The following TAFA1 variants were observed in gnomAD, a reference collection of about 807,000 sequenced individuals.
TAFA1 encodes the protein TAFA chemokine like family member 1.
A neutral mutation model predicts 18.5 loss-of-function variants in TAFA1; 4 were observed. The ratio of observed to expected loss-of-function variants is 0.22; its 90% CI spans 0.11 to 0.49. The LOEUF (loss-of-function observed/expected upper bound fraction) is 0.49. TAFA1 is among the 20% of genes least tolerant of loss of function. The pLI, the probability that TAFA1 is intolerant of heterozygous loss-of-function variation, is 0.98. For synonymous variants in TAFA1, 56 were observed against 55.2 expected, an observed-to-expected ratio of 1.01 and a Z score of -0.06; for missense variants, 147 against 169.0, an observed-to-expected ratio of 0.87 and a Z score of 0.72.
Position 68,074,442 on chromosome 3 carries a change from C to T in TAFA1, c.118+67698C>T, listed in dbSNP as rs530018068. Among the ~76,000 whole-genome samples, 64 of 152,226 alleles carry T rather than the reference C, an allele frequency of 4.2e-4. No individual in the cohort carries two copies. In the East Asian group the frequency reaches 5.0e-3, roughly 12 times the overall value. On this transcript the variant is annotated intron_variant, in intron 2 of 4. Transcript: ENST00000478136. ...AGTTCAAATTCCTGAGGTTGTATCC[C>T]AGTGTAACTATTTCCTGCTCTATGA...
In TAFA1 at chr3:68,020,857, C is replaced by T. The variant is rs117581730; in HGVS notation, c.118+14113C>T. ...CTTCCTTCCAAAAGTACATTGTGTA[C>T]GTAATTACAGGTGAAGGTGGTCTAG... On this transcript the variant is annotated intron_variant, in intron 2 of 4. Coordinates refer to ENST00000478136, the MANE Select transcript of TAFA1 (RefSeq NM_213609.4). 1.2e-3 allele frequency among the ~76,000 whole-genome samples: 186 copies of T among 152,088 alleles called. No individual in the cohort carries two copies. In the East Asian group the frequency reaches 0.013, roughly 11 times the overall value.
At chr3:68,436,627 G>T (rs1437470490) in intron 3 of TAFA1, among the ~76,000 whole-genome samples, 1 of 152,104 alleles carries the variant, frequency 6.6e-6, no homozygotes, top group Non-Finnish European at 1.5e-5. Context: ...AAGCAGGTAA[G>T]ACCAGCAGGT....
chr3:68,108,655 C>T (rs1005070934), intron 2 of TAFA1, among the ~76,000 whole-genome samples: 7 of 151,992 alleles, frequency 4.6e-5, no homozygotes, highest in African/African-American at 1.5e-4. Flanking sequence ...TTGACAAGCA[C>T]ATTAGTAATT....
chr3:68,154,984 A>T (rs746866347), intron 2 of TAFA1, among the ~76,000 whole-genome samples: 12 of 152,222 alleles, frequency 7.9e-5, no homozygotes, highest in Non-Finnish European at 1.8e-4. Context: ...CATTGATTAT[A>T]TTGATTACTT....
intron 2 of TAFA1, among the ~76,000 whole-genome samples, chr3:68,029,216 G>A (rs1285193298): frequency 6.6e-6 from 1 of 152,112 alleles, no homozygotes; most frequent in African/African-American, 2.4e-5. Context: ...TAGGGATTAG[G>A]ACATGGACAC....
intron 2 of TAFA1, among the ~76,000 whole-genome samples, chr3:68,254,752 C>T (rs143603421): frequency 4.9e-4 from 74 of 152,128 alleles, no homozygotes; most frequent in African/African-American, 1.7e-3. Flanking sequence ...AAGTGACCTT[C>T]TAGGATGTTC....
intron 2 of TAFA1, among the ~76,000 whole-genome samples, chr3:68,099,079 T>G (rs1040674938): frequency 6.6e-6 from 1 of 152,118 alleles, no homozygotes; most frequent in African/African-American, 2.4e-5. Context: ...GAAATAGCAT[T>G]CTGGATATCA....
At chr3:68,224,028 C>G (rs2066765486) in intron 2 of TAFA1, among the ~76,000 whole-genome samples, 1 of 150,300 alleles carries the variant, frequency 6.7e-6, no homozygotes, top group South Asian at 2.1e-4. Flanking sequence ...ATTTTATAGC[C>G]AACAACCATG....
chr3:68,138,287 A>G (rs548130126), intron 2 of TAFA1, among the ~76,000 whole-genome samples: 1 of 152,306 alleles, frequency 6.6e-6, no homozygotes, highest in Admixed American at 6.5e-5. Flanking sequence ...GAGCTAGTGC[A>G]AGATCCCTTC....
chr3:68,153,069 A>G (rs1050440326), intron 2 of TAFA1, among the ~76,000 whole-genome samples: 2 of 152,174 alleles, frequency 1.3e-5, no homozygotes, highest in African/African-American at 4.8e-5. Flanking sequence ...AGACAAATCA[A>G]TGAATGTCCT....
chr3:68,044,637 A>G (rs964567162), intron 2 of TAFA1, among the ~76,000 whole-genome samples: 7 of 152,204 alleles, frequency 4.6e-5, no homozygotes, highest in Non-Finnish European at 8.8e-5. Flanking sequence ...ATATATTGAC[A>G]TTGATAGTCA....
At chr3:68,236,948 G>C (rs941847149) in intron 2 of TAFA1, among the ~76,000 whole-genome samples, 1 of 152,162 alleles carries the variant, frequency 6.6e-6, no homozygotes, top group Non-Finnish European at 1.5e-5. Context: ...AAAGATCTCA[G>C]ACATGAATTA....
At chr3:68,425,394 C>T (rs77446879) in intron 3 of TAFA1, among the ~76,000 whole-genome samples, 3,820 of 151,968 alleles carry the variant, frequency 0.025, 76 homozygotes, top group East Asian at 0.09. Flanking sequence ...GAATGCTGAA[C>T]GCATTTGACT....
intron 2 of TAFA1, among the ~76,000 whole-genome samples, chr3:68,349,387 AC>A (rs2069223865): frequency 6.6e-6 from 1 of 152,040 alleles, no homozygotes; most frequent in East Asian, 1.9e-4. Flanking sequence ...AAAAGGTGTT[AC>A]GGAAATAAAG....
At chr3:68,203,527 TAATAAGGTGGTGGCAG>T (rs1209526306) in intron 2 of TAFA1, among the ~76,000 whole-genome samples, 1 of 151,640 alleles carries the variant, frequency 6.6e-6, no homozygotes, top group Admixed American at 6.6e-5. Flanking sequence ...AAAAAGATCT[TAATAAGGTGGTGGCAG>T]AGTGTGAGAA....
chr3:68,001,496 T>C (rs17047113), upstream of TAFA1, among the ~76,000 whole-genome samples: 3,039 of 152,282 alleles, frequency 0.02, 111 homozygotes, highest in African/African-American at 0.069. Flanking sequence ...TTAGCCTCTC[T>C]TTCCAACTGT....
At chr3:68,145,373 G>A (rs199583225) in intron 2 of TAFA1, 64 of 824,138 alleles carry the variant, frequency 7.8e-5, no homozygotes, top group Admixed American at 2.9e-4. Flanking sequence ...GGTCTCTCAA[G>A]CATATACTTC....
At chr3:68,510,567 A>G (rs2072829832) in intron 3 of TAFA1, among the ~76,000 whole-genome samples, 1 of 152,256 alleles carries the variant, frequency 6.6e-6, no homozygotes, top group African/African-American at 2.4e-5. Flanking sequence ...CTGAGCTGTA[A>G]GTCTCGGCTG....
At chr3:68,325,826 GC>G (rs375617770) in intron 2 of TAFA1, among the ~76,000 whole-genome samples, 78 of 152,210 alleles carry the variant, frequency 5.1e-4, no homozygotes, top group African/African-American at 1.5e-3. Flanking sequence ...GCTCTTCTAA[GC>G]CCCCTTTTTA....
Sources: allele counts gnomAD v4.1 joint callset (sites outside exome capture counted in the v4.1 genomes callset), GRCh38; gene constraint gnomAD v4.1.1; transcripts MANE v1.5; gene names NCBI Gene and HGNC (gene_info 2026-07-23, HGNC 2026-07-21).